CHST8: variants seen among roughly 807,000 people sequenced by gnomAD.
CHST8 encodes GALNAC-4-ST1.
Under a neutral mutation model 15.0 loss-of-function variants are expected in CHST8, and 10 were observed. That is an observed-to-expected ratio of 0.67 (90% CI 0.41 to 1.13). CHST8 has a LOEUF of 1.13. Ranked by LOEUF, CHST8 falls within the 50% of genes most tolerant of loss-of-function variation. The pLI is 0.00. For synonymous variants in CHST8, 259 were observed against 256.6 expected (o/e 1.01, Z -0.09); for missense variants, 634 against 608.2 (o/e 1.04, Z -0.45).
intron 3 of CHST8, among the ~76,000 whole-genome samples, chr19:33,735,984 G>T (rs1445433285): frequency 6.6e-6 from 1 of 152,220 alleles, no homozygotes; most frequent in Non-Finnish European, 1.5e-5. Flanking sequence ...TTACAAAAGA[G>T]ACTGCTCCCT....
intron 1 of CHST8, among the ~76,000 whole-genome samples, chr19:33,627,502 G>A (rs1339527126): frequency 6.6e-6 from 1 of 152,118 alleles, no homozygotes; most frequent in East Asian, 1.9e-4. Flanking sequence ...GGGGCTGGGG[G>A]CAGCAGACAC....
At chr19:33,681,024 G>A (rs1178840887) in intron 2 of CHST8, among the ~76,000 whole-genome samples, 1 of 152,134 alleles carries the variant, frequency 6.6e-6, no homozygotes, top group Non-Finnish European at 1.5e-5. Context: ...ATTAAAACCA[G>A]GATATTGACA....
chr19:33,714,036 G>A (rs1973612030), intron 3 of CHST8, among the ~76,000 whole-genome samples: 1 of 152,134 alleles, frequency 6.6e-6, no homozygotes, highest in African/African-American at 2.4e-5. Flanking sequence ...CTGCTTGTTA[G>A]GATCACCTGT....
chr19:33,744,841 C>T (rs749686077), intron 3 of CHST8, among the ~76,000 whole-genome samples: 4 of 152,132 alleles, frequency 2.6e-5, no homozygotes, highest in East Asian at 1.9e-4. Flanking sequence ...CTCCACCTCC[C>T]GGGTTCAAGC....
intron 3 of CHST8, among the ~76,000 whole-genome samples, chr19:33,709,328 A>G (rs949433948): frequency 6.6e-6 from 1 of 152,230 alleles, no homozygotes; most frequent in African/African-American, 2.4e-5. Context: ...ATCTTTCACC[A>G]ATAAGTATAA....
chr19:33,656,017 T>G (rs1972506547), intron 1 of CHST8, among the ~76,000 whole-genome samples: 1 of 152,226 alleles, frequency 6.6e-6, no homozygotes, highest in Non-Finnish European at 1.5e-5. Context: ...CTGATGACGC[T>G]TCCTCTGAGT....
At chr19:33,707,048 C>T (rs1973460315) in intron 3 of CHST8, among the ~76,000 whole-genome samples, 1 of 152,310 alleles carries the variant, frequency 6.6e-6, no homozygotes, top group Admixed American at 6.5e-5. Context: ...TCCACCCTGA[C>T]TCCTCCCAAG....
chr19:33,762,004 G>T (rs1476383029), intron 3 of CHST8, among the ~76,000 whole-genome samples: 1 of 152,170 alleles, frequency 6.6e-6, no homozygotes, highest in Non-Finnish European at 1.5e-5. Flanking sequence ...ACACACACAG[G>T]AAGCAGGCAC....
intron 3 of CHST8, among the ~76,000 whole-genome samples, chr19:33,708,929 A>G (rs934485197): frequency 3.2e-4 from 49 of 152,324 alleles, no homozygotes; most frequent in African/African-American, 1.2e-3. Flanking sequence ...AGCTTTCAGT[A>G]TACAAGTCTT....
At chr19:33,635,241 G>C (rs914330026) in intron 1 of CHST8, among the ~76,000 whole-genome samples, 1 of 152,152 alleles carries the variant, frequency 6.6e-6, no homozygotes, top group Non-Finnish European at 1.5e-5. Flanking sequence ...GCCCCTCAGC[G>C]TTTTCATGAA....
At chr19:33,649,065 G>A (rs1411964941) in intron 1 of CHST8, among the ~76,000 whole-genome samples, 3 of 151,850 alleles carry the variant, frequency 2.0e-5, no homozygotes, top group East Asian at 1.9e-4. Flanking sequence ...AACTAAGCCC[G>A]GCTAATTTTT....
chr19:33,697,106 G>C (rs1366306838), intron 3 of CHST8, among the ~76,000 whole-genome samples: 2 of 152,016 alleles, frequency 1.3e-5, no homozygotes, highest in East Asian at 3.9e-4. Flanking sequence ...GCCTCCCAAA[G>C]TGCTGGGATT....
chr19:33,623,914 T>C (rs896648186), intron 1 of CHST8, among the ~76,000 whole-genome samples: 5 of 152,130 alleles, frequency 3.3e-5, no homozygotes, highest in African/African-American at 7.2e-5. Context: ...AGGAATAACA[T>C]TGGAACCCTG....
intron 3 of CHST8, among the ~76,000 whole-genome samples, chr19:33,733,176 T>C (rs1481641484): frequency 6.6e-6 from 1 of 151,810 alleles, no homozygotes; most frequent in Non-Finnish European, 1.5e-5. Flanking sequence ...CTGTGGAAAT[T>C]CCAAGGGTTT....
chr19:33,643,035 A>C (rs1450899583), intron 1 of CHST8, among the ~76,000 whole-genome samples: 1 of 152,100 alleles, frequency 6.6e-6, no homozygotes, highest in African/African-American at 2.4e-5. Context: ...TTTGTTTTTC[A>C]ATTTTAAAGC....
chr19:33,688,806 C>T (rs1055374945), intron 2 of CHST8, among the ~76,000 whole-genome samples: 1 of 152,158 alleles, frequency 6.6e-6, no homozygotes, highest in Non-Finnish European at 1.5e-5. Flanking sequence ...AGTACCTAGG[C>T]CCCCGCCCTG....
intron 1 of CHST8, among the ~76,000 whole-genome samples, chr19:33,662,609 G>T (rs537740681): frequency 1.3e-5 from 2 of 152,150 alleles, no homozygotes; most frequent in East Asian, 1.9e-4. Context: ...ATTGACCAGC[G>T]CATGGTGAGT....
At chr19:33,648,644 C>G (rs1243622786) in intron 1 of CHST8, among the ~76,000 whole-genome samples, 1 of 152,130 alleles carries the variant, frequency 6.6e-6, no homozygotes, top group South Asian at 2.1e-4. Flanking sequence ...GGAAAACGGT[C>G]TAGCAATTCC....
chr19:33,630,486 C>T (rs73029358), intron 1 of CHST8, among the ~76,000 whole-genome samples: 23,279 of 143,248 alleles, frequency 0.16, 2,055 homozygotes, highest in Middle Eastern at 0.21. Context: ...GCAGGCAGTC[C>T]GCCTACACTG....
Sources: allele counts gnomAD v4.1 joint callset (sites outside exome capture counted in the v4.1 genomes callset), GRCh38; gene constraint gnomAD v4.1.1; transcripts MANE v1.5; gene names NCBI Gene and HGNC (gene_info 2026-07-23, HGNC 2026-07-21).